Variants in FBXO11 observed in about 807,000 individuals in gnomAD.
FBXO11 encodes F-box only protein 11.
Under a neutral mutation model 117.0 loss-of-function variants are expected in FBXO11, and 13 were observed. That is an observed-to-expected ratio of 0.11 (90% CI 0.07 to 0.18). FBXO11 has a LOEUF of 0.18. Ranked by LOEUF, FBXO11 falls within the 10% of genes least tolerant of loss-of-function variation. The pLI is 1.00. For synonymous variants in FBXO11, 490 were observed against 380.5 expected, an observed-to-expected ratio of 1.29 and a Z score of -3.35; for missense variants, 767 against 1,164.4, an observed-to-expected ratio of 0.66 and a Z score of 4.97.
rs1678721241 is a variant in FBXO11 at position 47,905,520 on chromosome 2, CAGCGGCGGA to C, written c.192_200del (p.Pro66_Pro68del). ...CGCCGACGTTGTTCCGCTCCTGAGG[CAGCGGCGGA>C]GGCGGCGGTGGCGGCGGCGGAGGCT... On this transcript the variant is annotated inframe_deletion, in exon 1 of 23. Transcript: ENST00000403359. 21 of 1,234,670 alleles carry C rather than the reference CAGCGGCGGA, an allele frequency of 1.7e-5. No homozygotes were observed. Among genetic ancestry groups the C allele is most frequent in the Non-Finnish European group, 2.0e-5 (20 of 991,380 alleles). 76.5% of individuals were successfully genotyped at this position (1,234,670 alleles called of 1,614,324 possible). A position where few individuals can be genotyped will look rare whatever the true frequency, so the allele number is the denominator to read the frequency against.
chr2:47,861,101 C>T (rs1448061427), intron 1 of FBXO11, among the ~76,000 whole-genome samples: 2 of 152,026 alleles, frequency 1.3e-5, no homozygotes, highest in African/African-American at 2.4e-5. Context: ...CCACCCGCCA[C>T]GGCCTCCCAA....
intron 4 of FBXO11, among the ~76,000 whole-genome samples, chr2:47,838,280 A>G (rs954431871): frequency 3.2e-4 from 49 of 152,244 alleles, no homozygotes; most frequent in African/African-American, 9.9e-4. Context: ...ATTAGTGGTT[A>G]TATCACAACT....
At chr2:47,904,262 C>T (rs1191311520) in intron 1 of FBXO11, among the ~76,000 whole-genome samples, 1 of 152,126 alleles carries the variant, frequency 6.6e-6, no homozygotes, top group East Asian at 1.9e-4. Context: ...CAAAATGTCT[C>T]CTAACAATTC....
chr2:47,858,818 T>C (rs551000311), intron 1 of FBXO11, among the ~76,000 whole-genome samples: 6 of 150,174 alleles, frequency 4.0e-5, no homozygotes, highest in African/African-American at 1.2e-4. Flanking sequence ...GCCAAGACGG[T>C]TGGATCACGA....
At chr2:47,818,492 C>T (rs545016903) in intron 16 of FBXO11, 2 of 291,592 alleles carry the variant, frequency 6.9e-6, no homozygotes, top group East Asian at 5.9e-5. Context: ...ACACAGACTT[C>T]CACTCTCCAA....
chr2:47,868,628 T>C (rs1230392425), intron 1 of FBXO11, among the ~76,000 whole-genome samples: 3 of 152,212 alleles, frequency 2.0e-5, no homozygotes, highest in Non-Finnish European at 4.4e-5. Flanking sequence ...ACCATTGTTG[T>C]CATTGCCCAG....
intron 4 of FBXO11, among the ~76,000 whole-genome samples, chr2:47,838,029 C>G (rs1267353139): frequency 1.1e-4 from 15 of 140,750 alleles, no homozygotes; most frequent in Non-Finnish European, 1.5e-5. Flanking sequence ...AGTTCAAGAT[C>G]AGACTGAGTA....
chr2:47,883,299 A>C (rs576077337), intron 1 of FBXO11, among the ~76,000 whole-genome samples: 7 of 152,326 alleles, frequency 4.6e-5, no homozygotes, highest in Admixed American at 3.9e-4. Flanking sequence ...CAGGCTTCAC[A>C]GTCCAAAGAC....
intron 1 of FBXO11, among the ~76,000 whole-genome samples, chr2:47,903,865 C>CT (rs1678518934): frequency 6.6e-6 from 1 of 152,152 alleles, no homozygotes; most frequent in Non-Finnish European, 1.5e-5. Flanking sequence ...CACTGATAGA[C>CT]ATATGTGAAA....
rs569297568 is a variant in FBXO11 at position 47,903,059 on chromosome 2, G to A, written c.232+2430C>T. On this transcript the variant is annotated intron_variant, in intron 1 of 22. Transcript: ENST00000403359. ...CAAACTAGAAAGTGACACTTTGCGT[G>A]CTCCATAAAACTTTCGAAATAGAGT... 2.6e-5 allele frequency among the ~76,000 whole-genome samples: 4 copies of A among 152,144 alleles called. No individual in the cohort carries two copies. In the South Asian group the frequency reaches 8.3e-4, roughly 32 times the overall value.
intron 1 of FBXO11, among the ~76,000 whole-genome samples, chr2:47,877,074 G>A (rs1676060470): frequency 6.8e-6 from 1 of 147,728 alleles, no homozygotes; most frequent in South Asian, 2.1e-4. Flanking sequence ...TTGCTCTGTT[G>A]CCCTGGCTGT....
At chr2:47,891,610 G>C (rs1249283110) in intron 1 of FBXO11, among the ~76,000 whole-genome samples, 1 of 152,130 alleles carries the variant, frequency 6.6e-6, no homozygotes, top group Non-Finnish European at 1.5e-5. Context: ...TCAAGTTCCT[G>C]ATTTCATTTC....
At chr2:47,900,688 ACACG>A (rs1558486980) in intron 1 of FBXO11, among the ~76,000 whole-genome samples, 2 of 122,602 alleles carry the variant, frequency 1.6e-5, no homozygotes, top group East Asian at 2.3e-4. Flanking sequence ...ACGTATACAC[ACACG>A]TATACACACA....
chr2:47,821,536 G>C (rs1031540610), intron 13 of FBXO11, among the ~76,000 whole-genome samples: 16 of 152,044 alleles, frequency 1.1e-4, no homozygotes, highest in Non-Finnish European at 2.4e-4. Context: ...CGTGAACCTG[G>C]GAGGTGGAGC....
At chr2:47,816,393 C>A (rs982892404) in intron 16 of FBXO11, among the ~76,000 whole-genome samples, 7 of 152,076 alleles carry the variant, frequency 4.6e-5, no homozygotes, top group Non-Finnish European at 1.0e-4. Context: ...GTTGCCCAGG[C>A]TGATCTTGAA....
intron 13 of FBXO11, among the ~76,000 whole-genome samples, chr2:47,821,004 T>C (rs1388270103): frequency 1.3e-5 from 2 of 152,242 alleles, no homozygotes; most frequent in Non-Finnish European, 2.9e-5. Flanking sequence ...AATAAATATT[T>C]TCTTTCTCTA....
At chr2:47,811,511 C>T (rs1008441163) in intron 18 of FBXO11, 6 of 152,248 alleles carry the variant, frequency 3.9e-5, no homozygotes, top group East Asian at 1.9e-4. Context: ...GCCACTGCAC[C>T]CGGCCACTGT....
At chr2:47,890,856 T>C (rs1211176920) in intron 1 of FBXO11, among the ~76,000 whole-genome samples, 2 of 152,114 alleles carry the variant, frequency 1.3e-5, no homozygotes, top group Non-Finnish European at 2.9e-5. Flanking sequence ...CTTGCTCTAT[T>C]GCTCACGCTG....
chr2:47,821,426 T>C (rs1039783590), intron 13 of FBXO11, among the ~76,000 whole-genome samples: 2 of 151,848 alleles, frequency 1.3e-5, no homozygotes, highest in African/African-American at 4.8e-5. Context: ...CTGGCTAACA[T>C]GGTGAAACCC....
Sources: allele counts gnomAD v4.1 joint callset (sites outside exome capture counted in the v4.1 genomes callset), GRCh38; gene constraint gnomAD v4.1.1; transcripts MANE v1.5; gene names NCBI Gene and HGNC (gene_info 2026-07-23, HGNC 2026-07-21).